SRGAP2: variants seen among roughly 807,000 people sequenced by gnomAD.
The protein encoded by SRGAP2 is SLIT-ROBO Rho GTPase activating protein 2, also known as SLIT-ROBO Rho GTPase-activating protein 2.
Under a neutral mutation model 57.2 loss-of-function variants are expected in SRGAP2, and 15 were observed. The observed-to-expected ratio is 0.26, with a 90% CI of 0.18 to 0.40. The LOEUF (loss-of-function observed/expected upper bound fraction) is 0.40. Among genes scored for constraint, SRGAP2 ranks in the 10% least tolerant of loss-of-function variants. The pLI, the probability that SRGAP2 is intolerant of heterozygous loss-of-function variation, is 1.00. For synonymous variants in SRGAP2, 249 were observed against 248.0 expected, an observed-to-expected ratio of 1.00 and a Z score of -0.04; for missense variants, 520 against 669.6, an observed-to-expected ratio of 0.78 and a Z score of 2.47.
intron 3 of SRGAP2, among the ~76,000 whole-genome samples, chr1:206,341,895 G>T (rs1675220155): frequency 6.6e-6 from 1 of 152,078 alleles, no homozygotes; most frequent in Admixed American, 6.5e-5. Flanking sequence ...CTACTAGGGA[G>T]GCTGAGGCAG....
intron 3 of SRGAP2, among the ~76,000 whole-genome samples, chr1:206,309,464 CA>C (rs199561904): frequency 0.034 from 2,523 of 74,562 alleles, 21 homozygotes; most frequent in Non-Finnish European, 0.048. Flanking sequence ...AAAGTAAGAG[CA>C]AAAAAAAAAA....
chr1:206,453,966 C>T, intron 20 of SRGAP2: 1 of 609,202 alleles, frequency 1.6e-6, no homozygotes, highest in Non-Finnish European at 2.9e-6. Flanking sequence ...CTGAACTGGT[C>T]CCAGAGAGAT....
intron 3 of SRGAP2, among the ~76,000 whole-genome samples, chr1:206,334,070 G>C (rs1261571807): frequency 6.6e-6 from 1 of 151,456 alleles, no homozygotes; most frequent in Non-Finnish European, 1.5e-5. Context: ...ATACACACTG[G>C]AGCAGCTGAT....
rs541189062 is a variant in SRGAP2 at position 206,230,649 on chromosome 1, C to T, written c.67+24612C>T. 6.4e-3 allele frequency among the ~76,000 whole-genome samples: 951 copies of T among 147,706 alleles called. 7 individuals carry two copies. The highest frequency in any genetic ancestry group is 0.021 in the Middle Eastern group (6 of 288). On this transcript the variant is annotated intron_variant, in intron 2 of 22. Transcript: ENST00000573034. ...GCTGTATTTTTTTTTTTTTTTGAGA[C>T]GGAGTCTCGCTCTGTCGCCCAGGCT...
intron 19 of SRGAP2, 76 bp from the exon 20 acceptor site, chr1:206,453,124 A>G (rs1663480148): frequency 8.7e-6 from 4 of 459,080 alleles, no homozygotes; most frequent in Non-Finnish European, 1.6e-5. Context: ...AGTTCAGCTA[A>G]TTCAGCTTTT....
chr1:206,318,452 T>G (rs1298793333), intron 3 of SRGAP2, among the ~76,000 whole-genome samples: 1 of 152,226 alleles, frequency 6.6e-6, no homozygotes, highest in Non-Finnish European at 1.5e-5. Context: ...TGCTCCTGTT[T>G]TCTCCGGTAA....
At chr1:206,333,920 G>T (rs1483362956) in intron 3 of SRGAP2, among the ~76,000 whole-genome samples, 4 of 152,096 alleles carry the variant, frequency 2.6e-5, no homozygotes, top group African/African-American at 9.7e-5. Flanking sequence ...ATTGACTAGG[G>T]CTTCTCTTAT....
At chr1:206,433,436 C>G (rs1413268135) in intron 14 of SRGAP2, among the ~76,000 whole-genome samples, 28 of 152,012 alleles carry the variant, frequency 1.8e-4, no homozygotes, top group Admixed American at 1.8e-3. Flanking sequence ...GCCAGGAGTT[C>G]AAGACCAGCC....
intron 13 of SRGAP2, among the ~76,000 whole-genome samples, chr1:206,426,033 G>A (rs781994802): frequency 1.5e-4 from 23 of 151,830 alleles, no homozygotes; most frequent in Non-Finnish European, 3.1e-4. Flanking sequence ...TTTTAGTAGA[G>A]ACAAAGTTTT....
At chr1:206,455,137 C>T in intron 21 of SRGAP2, 113 bp downstream of exon 21, 1 of 762,664 alleles carries the variant, frequency 1.3e-6, no homozygotes, top group South Asian at 1.4e-5. Context: ...TCCCAGCTCC[C>T]CCAGCCTAAC....
intron 2 of SRGAP2, among the ~76,000 whole-genome samples, chr1:206,301,003 C>A (rs1312740884): frequency 6.6e-6 from 1 of 152,182 alleles, no homozygotes; most frequent in Non-Finnish European, 1.5e-5. Context: ...CCTGGAAAGC[C>A]TTTCCACCCT....
intron 2 of SRGAP2, among the ~76,000 whole-genome samples, chr1:206,262,444 C>A (rs1356787436): frequency 1.4e-5 from 2 of 147,548 alleles, no homozygotes; most frequent in African/African-American, 5.0e-5. Context: ...AAGGCACTCT[C>A]TTTTACATGA....
At chr1:206,437,472 G>C (rs1661876398) in intron 15 of SRGAP2, 1 of 178,976 alleles carries the variant, frequency 5.6e-6, no homozygotes, top group Non-Finnish European at 1.2e-5. Flanking sequence ...GTGTCAATTT[G>C]AGGTTGGCCC....
chr1:206,421,212 T>G, intron 12 of SRGAP2, 38 bp from the exon 13 acceptor site: 8 of 771,752 alleles, frequency 1.0e-5, no homozygotes, highest in Non-Finnish European at 1.9e-5. Context: ...CCCTTGTTGC[T>G]GGATTGGTCC....
rs1239503301 is a variant in SRGAP2 at position 206,401,034 on chromosome 1, C to T, written c.832-387C>T. ...TATATAGTGATTTAACCACAGTAAC[C>T]CTCAGTGAGTGGCAGGTTGTATTTT... On this transcript the variant is annotated intron_variant, in intron 7 of 22. Transcript: ENST00000573034. Among the ~76,000 whole-genome samples the T allele has an allele frequency of 8.8e-5, 13 of 148,290 alleles. No individual in the cohort carries two copies. The South Asian group carries it at 1.1e-3, about 13-fold the overall frequency.
At chr1:206,427,345 A>G (rs10863996) in intron 13 of SRGAP2, among the ~76,000 whole-genome samples, 10,137 of 152,216 alleles carry the variant, frequency 0.067, 642 homozygotes, top group African/African-American at 0.16. Flanking sequence ...TAGCCTAACC[A>G]GCCAGTCAGT....
intron 17 of SRGAP2, among the ~76,000 whole-genome samples, chr1:206,442,767 G>A (rs1662422942): frequency 6.6e-6 from 1 of 152,186 alleles, no homozygotes; most frequent in African/African-American, 2.4e-5. Flanking sequence ...AAATGATAAA[G>A]CAGACCACCT....
In SRGAP2 at chr1:206,463,820, A is replaced by G. The variant is rs2103432169; in HGVS notation, c.*2400A>G. Reference sequence around the variant, plus strand: ...TTCTCGGCAGAGCTCACTGCAAACAACTGGAATTGAGGTTGCACACTGTGA... The same window carrying G: ...TTCTCGGCAGAGCTCACTGCAAACAGCTGGAATTGAGGTTGCACACTGTGA... On this transcript the variant is annotated 3_prime_UTR_variant, in exon 23 of 23. Coordinates refer to ENST00000573034, the MANE Select transcript of SRGAP2 (RefSeq NM_015326.5). The G allele has an allele frequency of 6.5e-6, 1 of 152,706 alleles. No homozygotes were observed. Among genetic ancestry groups the G allele is most frequent in the East Asian group, 1.9e-4 (1 of 5,182 alleles). The allele number at this position is 152,706 out of a possible 1,614,324, so 9.5% of individuals were successfully genotyped here. A position where few individuals can be genotyped will look rare whatever the true frequency, so the allele number is the denominator to read the frequency against.
chr1:206,237,475 G>C (rs1667979506), intron 2 of SRGAP2, among the ~76,000 whole-genome samples: 1 of 152,024 alleles, frequency 6.6e-6, no homozygotes, highest in Non-Finnish European at 1.5e-5. Flanking sequence ...AAATACATTT[G>C]AGAAATGAAG....
Sources: gnomAD v4.1 joint callset for allele counts (sites outside exome capture counted in the v4.1 genomes callset) on GRCh38, gnomAD v4.1.1 for gene constraint, MANE v1.5 for transcripts, NCBI Gene and HGNC (gene_info 2026-07-23, HGNC 2026-07-21) for gene names.